Variants in SEC24B observed in about 807,000 individuals in gnomAD.
SEC24B encodes the protein SEC24 homolog B, COPII component.
A neutral mutation model predicts 142.8 loss-of-function variants in SEC24B; 45 were observed. That is an observed-to-expected ratio of 0.32 (90% CI 0.25 to 0.40). The LOEUF (loss-of-function observed/expected upper bound fraction) is 0.40. SEC24B is among the 10% of genes least tolerant of loss of function. The pLI, the probability that SEC24B is intolerant of heterozygous loss-of-function variation, is 1.00. For missense variants in SEC24B, 1,409 were observed against 1,526.8 expected (o/e 0.92, Z 1.29); for synonymous variants, 574 against 568.2 (o/e 1.01, Z -0.15).
intron 5 of SEC24B, 140 bp from the exon 6 acceptor site, chr4:109,494,475 T>C (rs1320588209): frequency 2.2e-6 from 2 of 920,440 alleles, no homozygotes; most frequent in Non-Finnish European, 3.3e-6. Context: ...CCCCCTACTT[T>C]GTGTGTGTCC....
At chr4:109,502,604 C>T (rs974119751) in intron 6 of SEC24B, among the ~76,000 whole-genome samples, 24 of 152,036 alleles carry the variant, frequency 1.6e-4, no homozygotes, top group African/African-American at 5.8e-4. Flanking sequence ...TGGCATAACA[C>T]CTGGGTAGAG....
chr4:109,438,299 T>C (rs949961427), intron 1 of SEC24B, among the ~76,000 whole-genome samples: 29 of 152,294 alleles, frequency 1.9e-4, no homozygotes, highest in African/African-American at 7.0e-4. Context: ...CTTAAAACTT[T>C]TTGTCTGTTT....
intron 4 of SEC24B, among the ~76,000 whole-genome samples, chr4:109,482,936 C>CA (rs1491567623): frequency 2.9e-5 from 1 of 34,598 alleles, no homozygotes; most frequent in African/African-American, 8.2e-5. Context: ...CAGGCTTGTA[C>CA]TATATATATA....
At chr4:109,538,415 G>A in intron 22 of SEC24B, 78 bp from the exon 23 acceptor site, 2 of 908,624 alleles carry the variant, frequency 2.2e-6, no homozygotes, top group Non-Finnish European at 3.6e-6. Flanking sequence ...GGGGGTGATG[G>A]TAGGAATCAT....
rs752938543 is a variant in SEC24B at position 109,491,388 on chromosome 4, G to A, written c.1227G>A (p.Leu409=). 1.2e-5 allele frequency: 20 copies of A among 1,613,132 alleles called. No individual in the cohort carries two copies. In the East Asian group the frequency reaches 4.0e-4, roughly 32 times the overall value. The part of the protein sequence containing the change: ...ASPMPNSYDA[L]EGGSYPDMLS... ...CAATGCCCAACAGTTATGATGCCCT[G>A]GAAGGAGGCAGTTACCCAGGTAATT... Residue 409 remains leucine, a synonymous_variant, in exon 5 of 24, where the codon CTG becomes CTA. Transcript: ENST00000265175.
intron 1 of SEC24B, among the ~76,000 whole-genome samples, chr4:109,459,881 T>C (rs1373236697): frequency 6.6e-6 from 1 of 152,222 alleles, no homozygotes; most frequent in African/African-American, 2.4e-5. Context: ...TAGAGTTTTC[T>C]GACACTACAG....
At chr4:109,518,330 G>A (rs970096080) in intron 11 of SEC24B, among the ~76,000 whole-genome samples, 4 of 152,194 alleles carry the variant, frequency 2.6e-5, no homozygotes, top group African/African-American at 7.2e-5. Context: ...GCACATTTCC[G>A]TTTCACTCCA....
At chr4:109,530,195 T>C in intron 18 of SEC24B, 94 bp from the exon 19 acceptor site, 1 of 1,110,392 alleles carries the variant, frequency 9.0e-7, no homozygotes, top group Non-Finnish European at 1.2e-6. Context: ...CTTAGCTGAA[T>C]TTTGTTTCTT....
At chr4:109,435,658 C>CA (rs1728342351) in intron 1 of SEC24B, among the ~76,000 whole-genome samples, 1 of 152,194 alleles carries the variant, frequency 6.6e-6, no homozygotes, top group African/African-American at 2.4e-5. Flanking sequence ...AAGAACAAAT[C>CA]AATGTTTTGA....
intron 2 of SEC24B, among the ~76,000 whole-genome samples, chr4:109,470,904 A>G (rs376683012): frequency 1.9e-4 from 29 of 152,182 alleles, no homozygotes; most frequent in East Asian, 7.7e-4. Flanking sequence ...AGATACTTAT[A>G]TGTGTGGTAA....
At chr4:109,449,364 C>CAGT (rs1729815179) in intron 1 of SEC24B, 1 of 360,674 alleles carries the variant, frequency 2.8e-6, no homozygotes, top group African/African-American at 2.2e-5. Flanking sequence ...GCTGGGACTA[C>CAGT]AGGCACGTGC....
rs1731443999 is a variant in SEC24B at position 109,462,997 on chromosome 4, A to G, written c.230A>G (p.Lys77Arg). The G allele has an allele frequency of 6.2e-7, 1 of 1,614,142 alleles. No individual in the cohort carries two copies. ...GGACATTACTCTCAAGGACCTGGGAAAATGACCTCATTGCCATTGGATACC... is the reference window on the plus strand; with the variant it reads ...GGACATTACTCTCAAGGACCTGGGAGAATGACCTCATTGCCATTGGATACC... ...PSGHYSQGPG[K>R]MTSLPLDTQC... The change falls in exon 2 of 24, where the codon AAA (lysine) becomes AGA (arginine). Residue 77 changes from lysine to arginine, a missense_variant. By Grantham distance (26) the Lys-to-Arg change is conservative. Around this residue, in one of 2 missense-constraint regions of SEC24B, gnomAD observed 709 missense variants for 673.5 expected, o/e 1.05. Transcript: ENST00000265175.
In SEC24B at chr4:109,505,095, A is replaced by G. The variant is rs569647645; in HGVS notation, c.1489-1233A>G. Among the ~76,000 whole-genome samples, 3 of 152,236 alleles carry G rather than the reference A, an allele frequency of 2.0e-5. No individual in the cohort carries two copies. The East Asian group carries it at 5.8e-4, about 29-fold the overall frequency. ...TAGGCAGAGGTGTCAAGAGTGAAAT[A>G]AGATATCTCTGAATACCTTATTGTA... is the stretch of plus-strand genomic sequence containing the variant. On this transcript the variant is annotated intron_variant, in intron 6 of 23. Transcript: ENST00000265175.
At chr4:109,457,882 C>T (rs541901359) in intron 1 of SEC24B, among the ~76,000 whole-genome samples, 37 of 152,276 alleles carry the variant, frequency 2.4e-4, no homozygotes, top group Middle Eastern at 3.4e-3. Flanking sequence ...GCTCCTCTTC[C>T]CCAGATCTTT....
intron 20 of SEC24B, 119 bp downstream of exon 20, chr4:109,531,641 G>C (rs1490446700): frequency 2.3e-5 from 16 of 698,270 alleles, no homozygotes; most frequent in Non-Finnish European, 2.3e-6. Context: ...TTTCCCCCTT[G>C]TGGTAGTAAT....
At chr4:109,452,174 G>T (rs1277497087) in intron 1 of SEC24B, among the ~76,000 whole-genome samples, 1 of 152,096 alleles carries the variant, frequency 6.6e-6, no homozygotes, top group African/African-American at 2.4e-5. Context: ...CATGTAAACG[G>T]AACCATATAA....
chr4:109,459,791 G>T (rs1010007350), intron 1 of SEC24B, among the ~76,000 whole-genome samples: 4 of 152,182 alleles, frequency 2.6e-5, no homozygotes, highest in African/African-American at 9.7e-5. Context: ...GGATATGCCA[G>T]ATCAGTCACT....
At chr4:109,440,835 T>C (rs961030275) in intron 1 of SEC24B, among the ~76,000 whole-genome samples, 10 of 152,202 alleles carry the variant, frequency 6.6e-5, no homozygotes, top group South Asian at 4.1e-4. Context: ...CTATTCGTTA[T>C]TGCTTTTGAA....
At chr4:109,513,700 T>C (rs1737630481) in intron 9 of SEC24B, 47 bp from the exon 10 acceptor site, 1 of 1,014,644 alleles carries the variant, frequency 9.9e-7, no homozygotes, top group African/African-American at 1.6e-5. Flanking sequence ...TATATGTGTT[T>C]AGTTACAAAT....
Sources: allele counts gnomAD v4.1 joint callset (sites outside exome capture counted in the v4.1 genomes callset), GRCh38; gene constraint gnomAD v4.1.1; regional missense constraint gnomAD v4.1.1; transcripts MANE v1.5; gene names NCBI Gene and HGNC (gene_info 2026-07-23, HGNC 2026-07-21).